Variants in PCBP3 observed in about 807,000 individuals in gnomAD.
The protein encoded by PCBP3 is poly(rC) binding protein 3.
In PCBP3, 25 loss-of-function variants were observed where a neutral mutation model predicts 52.7. The ratio of observed to expected loss-of-function variants is 0.47; its 90% CI spans 0.35 to 0.66. PCBP3 has a LOEUF of 0.66. Ranked by LOEUF, PCBP3 falls within the 30% of genes least tolerant of loss-of-function variation. PCBP3 has a pLI of 0.01. For missense variants in PCBP3, 391 were observed against 490.3 expected, an observed-to-expected ratio of 0.80 and a Z score of 1.91; for synonymous variants, 162 against 183.0, an observed-to-expected ratio of 0.89 and a Z score of 0.93.
rs761623301 is a variant in PCBP3, at chr21:45,791,570, C to A, written c.-126+36118C>A. ...TGGGCTAGGGAAGGAGAGAAGCTCG[C>A]GAGGGAGGTGTGCAACAGCCGGAAG... On this transcript the variant is annotated intron_variant, in intron 4 of 17. Coordinates refer to ENST00000681687, the MANE Select transcript of PCBP3 (RefSeq NM_001384156.1). This position sits in a 1 kb window ranked among gnomAD's most constrained non-coding sequence, Gnocchi z 4.2. Among the ~76,000 whole-genome samples, 1 of 152,104 alleles carries A rather than the reference C, an allele frequency of 6.6e-6. No homozygotes were observed. Among genetic ancestry groups the A allele is most frequent in the African/African-American group, 2.4e-5 (1 of 41,426 alleles).
Position 45,714,164 on chromosome 21 carries a change from C to T in PCBP3, c.-199-21228C>T, listed in dbSNP as rs185955187. On this transcript the variant is annotated intron_variant, in intron 2 of 17. Coordinates refer to ENST00000681687, the MANE Select transcript of PCBP3 (RefSeq NM_001384156.1). ...TTCCCTCACTCCTTTGGGGTCTCAT[C>T]TCTTCTCTCGACTTTAAATACTGGC... Among the ~76,000 whole-genome samples the T allele has an allele frequency of 8.3e-3, 1,270 of 152,304 alleles. 11 individuals carry two copies. Among genetic ancestry groups the T allele is most frequent in the Middle Eastern group, 0.02 (6 of 294 alleles).
intron 12 of PCBP3, 59 bp downstream of exon 12, chr21:45,914,084 C>G (rs779113436): frequency 6.2e-7 from 1 of 1,611,262 alleles, no homozygotes; most frequent in African/African-American, 1.3e-5. Context: ...CTGCAGCACC[C>G]GCCGCTGCCC....
rs947148636 is a variant in PCBP3 at position 45,788,432 on chromosome 21, G to C, written c.-126+32980G>C. On this transcript the variant is annotated intron_variant, in intron 4 of 17. Coordinates refer to ENST00000681687, the MANE Select transcript of PCBP3 (RefSeq NM_001384156.1). The surrounding 1 kb of genome is among the most constrained non-coding windows in gnomAD (Gnocchi z 4.3). ...GCCTGCCCGGCCCCGTTCTGTTCCA[G>C]ATGATGGCTCACCTGTGACCCTGCC... The C allele has an allele frequency of 6.5e-6, 1 of 153,594 alleles. No individual in the cohort carries two copies. The highest frequency in any genetic ancestry group is 1.4e-5 in the Non-Finnish European group (1 of 69,232). 9.5% of individuals were successfully genotyped at this position (153,594 alleles called of 1,614,324 possible). A position where few individuals can be genotyped will look rare whatever the true frequency, so the allele number is the denominator to read the frequency against.
intron 5 of PCBP3, among the ~76,000 whole-genome samples, chr21:45,870,096 T>C (rs2094939081): frequency 6.6e-6 from 1 of 152,308 alleles, no homozygotes; most frequent in East Asian, 1.9e-4. Flanking sequence ...TTAATCTTCA[T>C]AAATCTATTT....
In PCBP3 at chr21:45,767,197, G is replaced by A. The variant is rs1193593678; in HGVS notation, c.-126+11745G>A. 6.6e-5 allele frequency among the ~76,000 whole-genome samples: 10 copies of A among 152,028 alleles called. No individual in the cohort carries two copies. In the East Asian group the frequency reaches 9.7e-4, roughly 15 times the overall value. On this transcript the variant is annotated intron_variant, in intron 4 of 17. Transcript: ENST00000681687. ...CCCCCCAAAGTAAAGCCCTGTGCCC[G>A]TTAAGCAGTCCCTCCCAATCCCCCC... is the stretch of plus-strand genomic sequence containing the variant.
At chr21:45,832,135 T>C (rs1209856559) in intron 4 of PCBP3, among the ~76,000 whole-genome samples, 1 of 152,188 alleles carries the variant, frequency 6.6e-6, no homozygotes, top group Non-Finnish European at 1.5e-5. Context: ...GGGGGATTAT[T>C]CATGAGTGTT....
At chr21:45,691,456 ATGTGTGTG>A (rs60311432) in intron 2 of PCBP3, among the ~76,000 whole-genome samples, 2 of 142,358 alleles carry the variant, frequency 1.4e-5, no homozygotes, top group African/African-American at 2.6e-5. Context: ...GTATGTATGT[ATGTGTGTG>A]TGTGTGTGTG....
intron 16 of PCBP3, 47 bp from the exon 17 acceptor site, chr21:45,939,983 G>C: frequency 6.4e-7 from 1 of 1,564,762 alleles, no homozygotes; most frequent in Non-Finnish European, 8.7e-7. Flanking sequence ...GTCTTCAGGG[G>C]CTGGCTTGGG....
intron 2 of PCBP3, among the ~76,000 whole-genome samples, chr21:45,698,353 A>G (rs1374735996): frequency 2.0e-5 from 3 of 152,220 alleles, no homozygotes; most frequent in South Asian, 2.1e-4. Context: ...TTAGCCTCCC[A>G]TTATGGGGGA....
intron 5 of PCBP3, among the ~76,000 whole-genome samples, chr21:45,886,195 T>A (rs2095515933): frequency 7.9e-6 from 1 of 125,852 alleles, no homozygotes; most frequent in Non-Finnish European, 1.7e-5. Context: ...GCAGAGGACG[T>A]GGTGAGGTGT....
chr21:45,838,803 T>A (rs1474696251), intron 4 of PCBP3, among the ~76,000 whole-genome samples: 1 of 152,214 alleles, frequency 6.6e-6, no homozygotes, highest in African/African-American at 2.4e-5. Context: ...CAGATTCCTG[T>A]GTTTTAAGGT....
intron 1 of PCBP3, among the ~76,000 whole-genome samples, chr21:45,646,107 C>CTCTCTGTGTGTGTG (rs1555895746): frequency 0.017 from 1,394 of 83,680 alleles, 45 homozygotes; most frequent in Non-Finnish European, 0.022. Flanking sequence ...CTCTCTCTCT[C>CTCTCTGTGTGTGTG]TGTGTGTGTG....
rs150948721 is a variant in PCBP3 at position 45,692,634 on chromosome 21, A to C, written c.-200+23682A>C. ...TAACCTGAATAGGCCCATATCTACT[A>C]TATAAATTCAATTTCTAGTTAAAAA... On this transcript the variant is annotated intron_variant, in intron 2 of 17. Coordinates refer to ENST00000681687, the MANE Select transcript of PCBP3 (RefSeq NM_001384156.1). 5.0e-3 allele frequency among the ~76,000 whole-genome samples: 768 copies of C among 152,340 alleles called. 17 individuals carry two copies. Among genetic ancestry groups the C allele is most frequent in the Non-Finnish European group, 1.8e-3 (122 of 68,016 alleles).
At chr21:45,885,274 C>T (rs1426135092) in intron 5 of PCBP3, among the ~76,000 whole-genome samples, 1 of 152,164 alleles carries the variant, frequency 6.6e-6, no homozygotes, top group Non-Finnish European at 1.5e-5. Context: ...TTGTCTCCCT[C>T]CTGTAGCATG....
chr21:45,896,065 C>A, intron 5 of PCBP3, 143 bp from the exon 6 acceptor site: 1 of 716,904 alleles, frequency 1.4e-6, no homozygotes, highest in Non-Finnish European at 2.3e-6. Context: ...GCCCAGCAGG[C>A]GAGGCCTGGT....
At chr21:45,659,374 G>T (rs1281404493) in intron 1 of PCBP3, among the ~76,000 whole-genome samples, 6 of 108,062 alleles carry the variant, frequency 5.6e-5, no homozygotes, top group Admixed American at 1.3e-4. Context: ...ACAGGGCCTT[G>T]GTCTGACACC....
In PCBP3 at chr21:45,829,111, T is replaced by C. The variant is rs1282743441; in HGVS notation, c.-125-20850T>C. ...GGGATGGAAGGGCCATTGGCCGAGT[T>C]TGAGATGGCATTTCACAACTCCAGG... is the stretch of plus-strand genomic sequence containing the variant. On this transcript the variant is annotated intron_variant, in intron 4 of 17. Coordinates refer to ENST00000681687, the MANE Select transcript of PCBP3 (RefSeq NM_001384156.1). The surrounding 1 kb of genome is among the most constrained non-coding windows in gnomAD (Gnocchi z 5.2). The C allele has an allele frequency of 6.6e-6, 1 of 152,434 alleles. No individual in the cohort carries two copies. Among genetic ancestry groups the C allele is most frequent in the African/African-American group, 2.4e-5 (1 of 41,448 alleles). 9.4% of individuals were successfully genotyped at this position (152,434 alleles called of 1,614,324 possible). A position where few individuals can be genotyped will look rare whatever the true frequency, so the allele number is the denominator to read the frequency against.
At chr21:45,690,803 A>G (rs1478222273) in intron 2 of PCBP3, among the ~76,000 whole-genome samples, 1 of 152,184 alleles carries the variant, frequency 6.6e-6, no homozygotes, top group African/African-American at 2.4e-5. Flanking sequence ...AATAAAAACT[A>G]AAGTTGTAAA....
chr21:45,883,219 A>G (rs1291173246), intron 5 of PCBP3, among the ~76,000 whole-genome samples: 3 of 151,924 alleles, frequency 2.0e-5, no homozygotes, highest in African/African-American at 4.8e-5. Context: ...TCTTTCCATG[A>G]TTGATTCTGG....
Sources: allele counts gnomAD v4.1 joint callset (sites outside exome capture counted in the v4.1 genomes callset), GRCh38; gene constraint gnomAD v4.1.1; non-coding constraint Gnocchi (gnomAD v3.1); transcripts MANE v1.5; gene names NCBI Gene and HGNC (gene_info 2026-07-23, HGNC 2026-07-21).